The following SPP2 variants were observed in gnomAD, a reference collection of about 807,000 sequenced individuals.
The protein encoded by SPP2 is secreted phosphoprotein 2.
In SPP2, 34 loss-of-function variants were observed where a neutral mutation model predicts 28.8. That is an observed-to-expected ratio of 1.18 (90% CI 0.90 to 1.57). The LOEUF is 1.57. Ranked by LOEUF, SPP2 falls within the 40% of genes most tolerant of loss-of-function variation. The pLI is 0.00. For synonymous variants in SPP2, 96 were observed against 89.4 expected, an observed-to-expected ratio of 1.07 and a Z score of -0.42; for missense variants, 269 against 263.9, an observed-to-expected ratio of 1.02 and a Z score of -0.13.
chr2:234,066,642 A>C, intron 5 of SPP2, 55 bp downstream of exon 5: 1 of 1,341,300 alleles, frequency 7.5e-7, no homozygotes, highest in South Asian at 1.2e-5. Context: ...TCCATATTGC[A>C]ACTCTTTGTT....
intron 7 of SPP2, among the ~76,000 whole-genome samples, chr2:234,075,800 A>T (rs1019266777): frequency 6.6e-6 from 1 of 152,070 alleles, no homozygotes; most frequent in East Asian, 1.9e-4. Context: ...CCGTCTGGGT[A>T]TTCCACACCA....
chr2:234,067,501 G>GGC (rs1693845930), intron 6 of SPP2, among the ~76,000 whole-genome samples: 1 of 152,144 alleles, frequency 6.6e-6, no homozygotes, highest in Admixed American at 6.5e-5. Flanking sequence ...CAAGAGGCCG[G>GGC]GCGCGGTGGC....
chr2:234,065,128 A>T (rs561144348), intron 4 of SPP2, among the ~76,000 whole-genome samples: 2 of 152,294 alleles, frequency 1.3e-5, no homozygotes, highest in African/African-American at 4.8e-5. Context: ...TTTTTGAGGA[A>T]CTGCCACATT....
At chr2:234,067,650 G>T (rs895125027) in intron 6 of SPP2, among the ~76,000 whole-genome samples, 1 of 151,854 alleles carries the variant, frequency 6.6e-6, no homozygotes, top group Non-Finnish European at 1.5e-5. Flanking sequence ...AGTGGTGGGC[G>T]CCTGTAGTCC....
At chr2:234,058,749 T>C in intron 2 of SPP2, 87 bp from the exon 3 acceptor site, 8 of 1,441,716 alleles carry the variant, frequency 5.5e-6, no homozygotes, top group Non-Finnish European at 7.5e-6. Flanking sequence ...TCTGTAATTT[T>C]TTTCTTATGG....
chr2:234,052,771 A>T (rs1248352694), intron 2 of SPP2, among the ~76,000 whole-genome samples: 1 of 152,114 alleles, frequency 6.6e-6, no homozygotes, highest in Non-Finnish European at 1.5e-5. Context: ...AGCTACAGTC[A>T]CCGTGCCCTC....
chr2:234,075,381 C>T (rs888169593), intron 7 of SPP2, among the ~76,000 whole-genome samples: 4 of 152,126 alleles, frequency 2.6e-5, no homozygotes, highest in African/African-American at 7.2e-5. Context: ...ATTAGTTCCC[C>T]AGGGCCTCAG....
Position 234,051,069 on chromosome 2 carries a change from C to T in SPP2, c.184C>T (p.Arg62Trp), listed in dbSNP as rs200722650. ...CCAGTCACTGAGTCCGTATCTGTTT[C>T]GGGCATTCAGAAGCTCATTAAAAAG... ...NSQSLSPYLF[R>W]AFRSSLKRVE... The change falls in exon 2 of 8, where the codon CGG becomes TGG. Residue 62 changes from arginine (R) to tryptophan (W), a missense_variant. Transcript: ENST00000168148. 9 of 1,613,780 alleles carry T rather than the reference C, an allele frequency of 5.6e-6. No homozygotes were observed. The highest frequency in any genetic ancestry group is 2.7e-5 in the African/African-American group (2 of 74,906).
intron 2 of SPP2, among the ~76,000 whole-genome samples, chr2:234,058,409 T>C (rs906270027): frequency 6.6e-6 from 1 of 152,248 alleles, no homozygotes; most frequent in African/African-American, 2.4e-5. Flanking sequence ...AACATGCATG[T>C]TGGGTGACTC....
At chr2:234,069,748 G>A (rs1189932769) in intron 6 of SPP2, among the ~76,000 whole-genome samples, 180 bp from the exon 7 acceptor site, 1 of 152,114 alleles carries the variant, frequency 6.6e-6, no homozygotes, top group Admixed American at 6.5e-5. Flanking sequence ...CAACACGGGG[G>A]AGAAGGAGAG....
At chr2:234,051,250 A>T (rs1236608796) in intron 2 of SPP2, among the ~76,000 whole-genome samples, 155 bp downstream of exon 2, 4 of 152,214 alleles carry the variant, frequency 2.6e-5, no homozygotes. Context: ...ACAGAGAAAG[A>T]TTTAATTACA....
intron 6 of SPP2, among the ~76,000 whole-genome samples, chr2:234,069,063 G>A (rs537105861): frequency 6.6e-6 from 1 of 152,188 alleles, no homozygotes; most frequent in African/African-American, 2.4e-5. Flanking sequence ...ATGTTGTTGG[G>A]AAGCCTCAGT....
At chr2:234,053,626 A>C (rs568798276) in intron 2 of SPP2, among the ~76,000 whole-genome samples, 1 of 151,656 alleles carries the variant, frequency 6.6e-6, no homozygotes, top group Non-Finnish European at 1.5e-5. Context: ...TTACCAACAG[A>C]CCTAGATCAA....
At chr2:234,070,149 G>C (rs1690722635) in intron 7 of SPP2, 126 bp downstream of exon 7, 1 of 666,734 alleles carries the variant, frequency 1.5e-6, no homozygotes, top group Non-Finnish European at 2.6e-6. Context: ...CGGCTTCTCT[G>C]ACCTCCTTCC....
intron 6 of SPP2, among the ~76,000 whole-genome samples, chr2:234,068,275 G>T (rs1274744886): frequency 6.6e-6 from 1 of 152,172 alleles, no homozygotes; most frequent in African/African-American, 2.4e-5. Flanking sequence ...ATTCTGTGAG[G>T]TAGCACTATG....
At chr2:234,068,237 C>T (rs1018483976) in intron 6 of SPP2, among the ~76,000 whole-genome samples, 1 of 152,180 alleles carries the variant, frequency 6.6e-6, no homozygotes, top group Non-Finnish European at 1.5e-5. Context: ...AATTGCCTAA[C>T]ACAATTTTCT....
At chr2:234,063,431 T>C (rs558635234) in intron 4 of SPP2, among the ~76,000 whole-genome samples, 17 of 152,148 alleles carry the variant, frequency 1.1e-4, no homozygotes, top group African/African-American at 2.9e-4. Flanking sequence ...GTAAGTCTGG[T>C]AAGGACATAA....
At position 234,065,268 on chromosome 2, in the gene SPP2, G is replaced by A. The variant is rs532012353; in HGVS notation, c.445-1265G>A. 2.6e-5 allele frequency among the ~76,000 whole-genome samples: 4 copies of A among 152,006 alleles called. No individual in the cohort carries two copies. In the East Asian group the frequency reaches 7.7e-4, roughly 29 times the overall value. On this transcript the variant is annotated intron_variant, in intron 4 of 7. Coordinates refer to ENST00000168148, the MANE Select transcript of SPP2 (RefSeq NM_006944.3). ...TTAGCCATTCTAGTGAGTGTGACGT[G>A]GTATCTCATTGTAGTTTTTTTTGTT... is the stretch of plus-strand genomic sequence containing the variant.
chr2:234,063,196 T>C (rs1693753613), intron 4 of SPP2, among the ~76,000 whole-genome samples: 1 of 151,954 alleles, frequency 6.6e-6, no homozygotes, highest in Non-Finnish European at 1.5e-5. Flanking sequence ...TGAAAGACAT[T>C]AGATTAGGAT....
Sources: allele counts gnomAD v4.1 joint callset (sites outside exome capture counted in the v4.1 genomes callset), GRCh38; gene constraint gnomAD v4.1.1; transcripts MANE v1.5; gene names NCBI Gene and HGNC (gene_info 2026-07-23, HGNC 2026-07-21).